The following RGS12 variants were observed in gnomAD, a reference collection of about 807,000 sequenced individuals.
RGS12 encodes regulator of G-protein signaling 12.
In RGS12, 66 loss-of-function variants were observed where a neutral mutation model predicts 120.1. That is an observed-to-expected ratio of 0.55 (90% CI 0.45 to 0.67). The LOEUF (loss-of-function observed/expected upper bound fraction) is 0.67, where lower values mean the gene tolerates loss of function less well. RGS12 is among the 30% of genes least tolerant of loss of function. The pLI is 0.00. For missense variants in RGS12, 1,859 were observed against 1,957.7 expected (o/e 0.95, Z 0.95); for synonymous variants, 827 against 804.7 (o/e 1.03, Z -0.47).
At position 3,422,519 on chromosome 4, in the gene RGS12, G is replaced by T; in HGVS notation, c.2982G>T (p.Arg994=). 2 of 1,612,876 alleles carry T rather than the reference G, an allele frequency of 1.2e-6. No homozygotes were observed. The highest frequency in any genetic ancestry group is 2.2e-5 in the South Asian group (2 of 91,088). The change falls in exon 11 of 18, where the codon CGG becomes CGT. Residue 994 remains arginine (R), a synonymous_variant. Transcript: ENST00000336727. ...ACATCCTGTCCGGACTCTGTGAGCG[G>T]CATGGCATCAACGGGGCGGCCGCGG... ...IKDILSGLCE[R]HGINGAAADL...
intron 13 of RGS12, chr4:3,423,919 A>G: frequency 2.7e-6 from 1 of 376,484 alleles, no homozygotes; most frequent in Non-Finnish European, 5.0e-6. Context: ...AAACAAAGCA[A>G]CCAACCCTGG....
Position 3,422,568 on chromosome 4 carries a change from A to C in RGS12, c.3031A>C (p.Lys1011Gln). 1 of 1,611,382 alleles carries C rather than the reference A, an allele frequency of 6.2e-7. No individual in the cohort carries two copies. Among genetic ancestry groups the C allele is most frequent in the Middle Eastern group, 1.7e-4 (1 of 5,926 alleles). Residue 1011 changes from lysine to glutamine, a missense_variant and splice_region_variant, in exon 11 of 18, where the codon AAG (lysine) becomes CAG (glutamine). This residue lies in a region of RGS12 where 375 missense variants were observed against 475.0 expected (regional missense o/e 0.79). Coordinates refer to ENST00000336727, the MANE Select transcript of RGS12 (RefSeq NM_001394154.1). ...AADLFLVGGDKPLVLHQDSSI... is the reference protein window; with the variant it reads ...AADLFLVGGDQPLVLHQDSSI... The stretch of plus-strand genomic sequence containing the variant: ...GGACCTCTTCCTGGTGGGCGGGGAC[A>C]AGGTACTGGGCCCGCCTGACCCTCG...
At chr4:3,303,253 C>T (rs569661825) in intron 1 of RGS12, among the ~76,000 whole-genome samples, 6 of 152,100 alleles carry the variant, frequency 3.9e-5, no homozygotes, top group South Asian at 2.1e-4. Flanking sequence ...CAGGGTGGGC[C>T]GGCAAGTGGG....
chr4:3,358,181 G>T (rs995204637), intron 3 of RGS12, among the ~76,000 whole-genome samples: 2 of 151,494 alleles, frequency 1.3e-5, no homozygotes, highest in Non-Finnish European at 2.9e-5. Context: ...ATTTTTGTGT[G>T]TTGACTTTGT....
At chr4:3,368,628 A>G (rs1313985508) in intron 3 of RGS12, among the ~76,000 whole-genome samples, 4 of 69,850 alleles carry the variant, frequency 5.7e-5, no homozygotes, top group South Asian at 5.6e-4. Context: ...GGGGGGGTAC[A>G]TGTGTGTGTG....
chr4:3,342,861 G>A, intron 2 of RGS12, 76 bp from the exon 3 acceptor site: 4 of 945,642 alleles, frequency 4.2e-6, no homozygotes, highest in Non-Finnish European at 6.8e-6. Flanking sequence ...TTGATTTTCT[G>A]CTATGCCATG....
At chr4:3,407,992 A>G (rs937566168) in intron 4 of RGS12, among the ~76,000 whole-genome samples, 5 of 152,012 alleles carry the variant, frequency 3.3e-5, no homozygotes, top group African/African-American at 9.7e-5. Flanking sequence ...AAATCCCACA[A>G]CAATACCGTA....
chr4:3,427,990 C>T, intron 14 of RGS12, 100 bp from the exon 15 acceptor site: 65 of 1,155,346 alleles, frequency 5.6e-5, no homozygotes, highest in Non-Finnish European at 3.9e-6. Context: ...CTTGTGGCTT[C>T]TCTACAGCTT....
intron 1 of RGS12, among the ~76,000 whole-genome samples, chr4:3,294,464 C>T (rs1723251962): frequency 6.6e-6 from 1 of 152,248 alleles, no homozygotes; most frequent in Admixed American, 6.5e-5. Context: ...GTAATTGTCA[C>T]AGTGCGAAGT....
intron 17 of RGS12, chr4:3,431,673 G>A: frequency 2.0e-6 from 2 of 985,796 alleles, no homozygotes; most frequent in African/African-American, 3.5e-5. Context: ...AGGGAAAGGT[G>A]TTTCCAGGGG....
At chr4:3,422,812 T>A in intron 11 of RGS12, 93 bp from the exon 12 acceptor site, 1 of 1,183,098 alleles carries the variant, frequency 8.5e-7, no homozygotes. Flanking sequence ...GCTGCTCTTC[T>A]GCTCTGCACA....
intron 3 of RGS12, among the ~76,000 whole-genome samples, chr4:3,356,155 G>A (rs1478819480): frequency 1.3e-5 from 2 of 151,384 alleles, no homozygotes; most frequent in African/African-American, 2.4e-5. Flanking sequence ...CTGGGCTCAG[G>A]CGATCCTTTG....
intron 17 of RGS12, among the ~76,000 whole-genome samples, chr4:3,436,423 G>A (rs768451802): frequency 6.6e-6 from 1 of 152,328 alleles, no homozygotes; most frequent in African/African-American, 2.4e-5. Flanking sequence ...AGGTGGCTGC[G>A]CTTGGCAGCA....
chr4:3,381,223 A>G (rs1718227550), intron 3 of RGS12, among the ~76,000 whole-genome samples: 1 of 152,222 alleles, frequency 6.6e-6, no homozygotes, highest in African/African-American at 2.4e-5. Context: ...TTCGTTGTCC[A>G]TATCACTGTC....
intron 16 of RGS12, 62 bp downstream of exon 16, chr4:3,428,773 T>G (rs973931792): frequency 1.4e-4 from 190 of 1,400,372 alleles, no homozygotes; most frequent in Middle Eastern, 6.0e-4. Flanking sequence ...TCCAGTATAG[T>G]CAGTAGATCT....
At chr4:3,367,461 C>T (rs181706213) in intron 3 of RGS12, among the ~76,000 whole-genome samples, 37 of 152,384 alleles carry the variant, frequency 2.4e-4, no homozygotes, top group Admixed American at 9.1e-4. Context: ...GCTGGGCTTC[C>T]CGGGCCCGGG....
At chr4:3,314,351 C>T (rs1724597734) in intron 1 of RGS12, 1 of 152,124 alleles carries the variant, frequency 6.6e-6, no homozygotes, top group Non-Finnish European at 1.5e-5. Flanking sequence ...TATCCCAAGA[C>T]ACAAAAATCT....
intron 3 of RGS12, among the ~76,000 whole-genome samples, chr4:3,355,966 A>T (rs1714852381): frequency 6.6e-6 from 1 of 152,070 alleles, no homozygotes; most frequent in Admixed American, 6.6e-5. Context: ...TGCAGTTTTA[A>T]TCAAAATGCC....
chr4:3,313,704 G>A (rs966860856), intron 1 of RGS12, among the ~76,000 whole-genome samples: 4 of 152,142 alleles, frequency 2.6e-5, no homozygotes, highest in Non-Finnish European at 4.4e-5. Flanking sequence ...CCGCCTGCCC[G>A]TCTGCCTGGG....
Sources: gnomAD v4.1 joint callset for allele counts (sites outside exome capture counted in the v4.1 genomes callset) on GRCh38, gnomAD v4.1.1 for gene constraint, gnomAD v4.1.1 regional missense constraint, MANE v1.5 for transcripts, NCBI Gene and HGNC (gene_info 2026-07-23, HGNC 2026-07-21) for gene names.